Variants in PLCG2 observed in about 807,000 individuals in gnomAD.
PLCG2 encodes the protein 1-phosphatidylinositol 4,5-bisphosphate phosphodiesterase gamma-2.
A neutral mutation model predicts 175.6 loss-of-function variants in PLCG2; 69 were observed. That is an observed-to-expected ratio of 0.39 (90% CI 0.32 to 0.48). PLCG2 has a LOEUF of 0.48. PLCG2 is among the 20% of genes least tolerant of loss of function. PLCG2 has a pLI of 0.91. For synonymous variants in PLCG2, 827 were observed against 624.0 expected, an observed-to-expected ratio of 1.33 and a Z score of -4.85; for missense variants, 1,798 against 1,650.9, an observed-to-expected ratio of 1.09 and a Z score of -1.54.
At position 81,760,761 on chromosome 16, in the gene PLCG2, AAT is replaced by A. The variant is rs1491077067; in HGVS notation, c.-48+4797_-48+4798del. Among the ~76,000 whole-genome samples the A allele has an allele frequency of 4.9e-3, 601 of 121,516 alleles. 5 individuals are homozygous for A. Among genetic ancestry groups the A allele is most frequent in the South Asian group, 0.011 (40 of 3,492 alleles). 79.7% of individuals were successfully genotyped at this position (121,516 alleles called of 152,430 possible). A position where few individuals can be genotyped will look rare whatever the true frequency, so the allele number is the denominator to read the frequency against. On this transcript the variant is annotated intron_variant, in intron 2 of 5. Transcript: ENST00000565054. ...CCCCGTCTCTATTAAAAAAAAAAATAATAATAATAATAATAATAATTAGCTGA... is the reference window on the plus strand; with the variant it reads ...CCCCGTCTCTATTAAAAAAAAAAATAAATAATAATAATAATAATTAGCTGA...
intron 2 of PLCG2, among the ~76,000 whole-genome samples, chr16:81,838,092 T>C (rs2143412979): frequency 6.6e-6 from 1 of 152,228 alleles, no homozygotes. Flanking sequence ...TTTTCTTTTT[T>C]TTTTGAGGCG....
At position 81,960,602 on chromosome 16, in the gene PLCG2, C is replaced by G. The variant is rs1911746006; in HGVS notation, c.*2604C>G. 1 of 231,396 alleles carries G rather than the reference C, an allele frequency of 4.3e-6. No homozygotes were observed. Among genetic ancestry groups the G allele is most frequent in the Non-Finnish European group, 8.5e-6 (1 of 117,014 alleles). The allele number at this position is 231,396 out of a possible 1,614,324, so 14.3% of individuals were successfully genotyped here. The stretch of plus-strand genomic sequence containing the variant: ...TGCAGGAGTGAAAGGTGTAGAGGGT[C>G]TTGTTTTCCAAATTCGATCTCAGAA... On this transcript the variant is annotated 3_prime_UTR_variant, in exon 33 of 33. Transcript: ENST00000564138.
At chr16:81,884,683 TTTAC>T (rs1349636050) in intron 9 of PLCG2, among the ~76,000 whole-genome samples, 1 of 151,022 alleles carries the variant, frequency 6.6e-6, no homozygotes, top group Non-Finnish European at 1.5e-5. Flanking sequence ...TGGAGTTCCA[TTTAC>T]TTTTTTCTTT....
chr16:81,751,864 A>G lies in PLCG2; in HGVS notation c.-144-4006A>G, dbSNP rs1439283515. On this transcript the variant is annotated intron_variant, in intron 1 of 5. Transcript: ENST00000565054. The stretch of plus-strand genomic sequence containing the variant: ...TGGTGAAATCTTGTCTCTACTAAAA[A>G]TATAAACATTAGGTGGATATGGTGG... Among the ~76,000 whole-genome samples the G allele has an allele frequency of 2.0e-5, 3 of 152,166 alleles. No individual in the cohort carries two copies. In the South Asian group the frequency reaches 6.2e-4, roughly 32 times the overall value.
chr16:81,913,439 G>A (rs1344704311), intron 19 of PLCG2, among the ~76,000 whole-genome samples: 2 of 152,236 alleles, frequency 1.3e-5, no homozygotes, highest in Non-Finnish European at 2.9e-5. Flanking sequence ...CAGGACCAGA[G>A]AGGTTAAGTG....
chr16:81,812,043 C>CTTTTTTTTTTTT (rs539108021), intron 2 of PLCG2, among the ~76,000 whole-genome samples: 1 of 90,330 alleles, frequency 1.1e-5, no homozygotes, highest in Non-Finnish European at 2.1e-5. Flanking sequence ...TGTTTCCTGA[C>CTTTTTTTTTTTT]TTTTTTTTTT....
In PLCG2 at chr16:81,926,214, G is replaced by A. The variant is rs151165153; in HGVS notation, c.2418-868G>A. Among the ~76,000 whole-genome samples, 61 of 152,348 alleles carry A rather than the reference G, an allele frequency of 4.0e-4. No individual in the cohort carries two copies. In the East Asian group the frequency reaches 0.011, roughly 27 times the overall value. Reference sequence around the variant, plus strand: ...TGGAGAGTTAGGAGGTGATGTCTGGGAGTCCTGGGGTCAGACTGTGCTGGG... The same window carrying A: ...TGGAGAGTTAGGAGGTGATGTCTGGAAGTCCTGGGGTCAGACTGTGCTGGG... On this transcript the variant is annotated intron_variant, in intron 22 of 32. Transcript: ENST00000564138.
chr16:81,958,657 T>C lies in PLCG2; in HGVS notation c.*659T>C. The C allele has an allele frequency of 4.5e-6, 1 of 223,678 alleles. No homozygotes were observed. Among genetic ancestry groups the C allele is most frequent in the Non-Finnish European group, 8.9e-6 (1 of 112,050 alleles). 13.9% of individuals were successfully genotyped at this position (223,678 alleles called of 1,614,324 possible). A position where few individuals can be genotyped will look rare whatever the true frequency, so the allele number is the denominator to read the frequency against. ...GTTACTGGGATGGAGGGTAGGAATC[T>C]TGGGGCCTCTTTGTTTTAAAAAGCC... On this transcript the variant is annotated 3_prime_UTR_variant, in exon 33 of 33. Coordinates refer to ENST00000564138, the MANE Select transcript of PLCG2 (RefSeq NM_002661.5).
chr16:81,867,757 G>C (rs1907314590), intron 5 of PLCG2, among the ~76,000 whole-genome samples: 1 of 152,014 alleles, frequency 6.6e-6, no homozygotes, highest in Admixed American at 6.5e-5. Context: ...GAGTGCAGTG[G>C]CGTGATCTCG....
chr16:81,904,063 A>G (rs1406576799), intron 14 of PLCG2, among the ~76,000 whole-genome samples: 1 of 152,196 alleles, frequency 6.6e-6, no homozygotes, highest in Non-Finnish European at 1.5e-5. Flanking sequence ...TTCAGAGGTT[A>G]AATAGCTCAG....
intron 15 of PLCG2, 38 bp downstream of exon 15, chr16:81,905,545 G>A: frequency 3.7e-6 from 5 of 1,363,164 alleles, no homozygotes; most frequent in South Asian, 1.2e-5. Flanking sequence ...CTGCGGCCAC[G>A]CCCCTTGCAG....
At chr16:81,934,016 G>C (rs2143720179) in intron 25 of PLCG2, among the ~76,000 whole-genome samples, 1 of 152,338 alleles carries the variant, frequency 6.6e-6, no homozygotes, top group South Asian at 2.1e-4. Flanking sequence ...AGGGGATAGA[G>C]AGTTATGACG....
rs61501292 is a variant in PLCG2, at chr16:81,901,297, A to G, written c.1362+517A>G. 5.1e-3 allele frequency among the ~76,000 whole-genome samples: 773 copies of G among 152,270 alleles called. 10 individuals are homozygous for G. Among genetic ancestry groups the G allele is most frequent in the African/African-American group, 0.017 (716 of 41,544 alleles). On this transcript the variant is annotated intron_variant, in intron 14 of 32. Coordinates refer to ENST00000564138, the MANE Select transcript of PLCG2 (RefSeq NM_002661.5). ...TGATGTTCCCAGCACTGCAGGGGAG[A>G]TGGGTGATTATATCTGTGCCTAGGG... is the stretch of plus-strand genomic sequence containing the variant.
In PLCG2 at chr16:81,960,671, C is replaced by G. The variant is rs932191264; in HGVS notation, c.*2673C>G. 4.3e-6 allele frequency: 1 copy of G among 230,540 alleles called. No homozygotes were observed. The highest frequency in any genetic ancestry group is 2.2e-5 in the African/African-American group (1 of 45,234). 14.3% of individuals were successfully genotyped at this position (230,540 alleles called of 1,614,324 possible). ...CTCATGGGACTTATCTATAGTGGAA[C>G]ACATTTGAAGACCTACTGCTCTATT... is the stretch of plus-strand genomic sequence containing the variant. On this transcript the variant is annotated 3_prime_UTR_variant, in exon 33 of 33. Coordinates refer to ENST00000564138, the MANE Select transcript of PLCG2 (RefSeq NM_002661.5).
At chr16:81,796,916 A>G (rs1253793440) in intron 2 of PLCG2, among the ~76,000 whole-genome samples, 1 of 152,030 alleles carries the variant, frequency 6.6e-6, no homozygotes, top group Non-Finnish European at 1.5e-5. Flanking sequence ...ACACAAATAC[A>G]CTCTCATGTA....
chr16:81,955,513 T>A (rs1002250756), intron 31 of PLCG2, among the ~76,000 whole-genome samples: 4 of 152,198 alleles, frequency 2.6e-5, no homozygotes, highest in Non-Finnish European at 5.9e-5. Context: ...GGCTTTTGTC[T>A]TTTTTTCTCC....
intron 1 of PLCG2, among the ~76,000 whole-genome samples, chr16:81,753,466 T>G (rs1417218185): frequency 1.3e-5 from 2 of 151,184 alleles, no homozygotes; most frequent in Non-Finnish European, 2.9e-5. Flanking sequence ...TTGCCCAAGC[T>G]GGAGTGCAGT....
Position 81,919,483 on chromosome 16 carries a change from G to C in PLCG2, c.2055-1G>C. 6.2e-7 allele frequency: 1 copy of C among 1,612,814 alleles called. No homozygotes were observed. ...TCAACCCTGTGTTCTTCCTGCTCCA[G>C]GGCTAGGGGCAAGGTAAAGCATTGT... On this transcript the variant is annotated splice_acceptor_variant, in intron 19 of 32. Transcript: ENST00000564138. LOFTEE classifies it high-confidence loss of function.
upstream of PLCG2, among the ~76,000 whole-genome samples, chr16:81,778,997 C>G (rs913173090): frequency 1.3e-5 from 2 of 152,112 alleles, no homozygotes; most frequent in South Asian, 2.1e-4. Flanking sequence ...ACCTGGACTG[C>G]GGCCGGCTCT....
Sources: allele counts gnomAD v4.1 joint callset (sites outside exome capture counted in the v4.1 genomes callset), GRCh38; gene constraint gnomAD v4.1.1; transcripts MANE v1.5; gene names NCBI Gene and HGNC (gene_info 2026-07-23, HGNC 2026-07-21).